SOD1: variants seen among roughly 807,000 people sequenced by gnomAD.
The protein encoded by SOD1 is superoxide dismutase 1.
Under a neutral mutation model 15.9 loss-of-function variants are expected in SOD1, and 8 were observed. That is an observed-to-expected ratio of 0.50 (90% confidence interval 0.30 to 0.91). The LOEUF is 0.91. Among genes scored for constraint, SOD1 ranks in the 40% least tolerant of loss-of-function variants. The pLI, the probability that SOD1 is intolerant of heterozygous loss-of-function variation, is 0.07. For missense variants in SOD1, 137 were observed against 194.5 expected (o/e 0.70, Z 1.76); for synonymous variants, 86 against 71.2 (o/e 1.21, Z -1.04).
intron 3 of SOD1, 90 bp downstream of exon 3, chr21:31,666,608 C>T (rs571455001): frequency 5.3e-5 from 53 of 991,684 alleles, no homozygotes; most frequent in South Asian, 4.2e-4. Context: ...AAGATAATTC[C>T]GTGTTTCCCC....
chr21:31,666,626 G>C (rs2049595695), intron 3 of SOD1, 108 bp downstream of exon 3: 2 of 895,390 alleles, frequency 2.2e-6, no homozygotes, highest in African/African-American at 1.7e-5. Flanking sequence ...CCCCACCTTT[G>C]CTTTTGAACT....
chr21:31,659,913 G>C, intron 1 of SOD1, 72 bp downstream of exon 1: 2 of 1,525,910 alleles, frequency 1.3e-6, no homozygotes, highest in South Asian at 2.2e-5. Flanking sequence ...CCTTTGCTAG[G>C]AGCGGGTCGC....
intron 1 of SOD1, among the ~76,000 whole-genome samples, chr21:31,662,498 C>G (rs538587007): frequency 3.3e-5 from 5 of 152,280 alleles, no homozygotes; most frequent in East Asian, 1.9e-4. Context: ...GTCCTGAGAT[C>G]TAGTTGTAAC....
At chr21:31,664,388 A>T (rs547262607) in intron 2 of SOD1, 8 of 222,840 alleles carry the variant, frequency 3.6e-5, no homozygotes, top group African/African-American at 1.8e-4. Flanking sequence ...AGCAGAGTAC[A>T]CACAAGAAAA....
At position 31,667,378 on chromosome 21, in the gene SOD1, A is replaced by G. The variant is rs746682134; in HGVS notation, c.357+3A>G. On this transcript the variant is annotated splice_donor_region_variant and intron_variant, in intron 4 of 4. Transcript: ENST00000270142. ...GCATCATTGGCCGCACACTGGTGGTAAGTTTTCATAAAAGGATATGCATAA... is the reference window on the plus strand; with the variant it reads ...GCATCATTGGCCGCACACTGGTGGTGAGTTTTCATAAAAGGATATGCATAA... 64 of 1,593,622 alleles carry G rather than the reference A, an allele frequency of 4.0e-5. No individual in the cohort carries two copies. The highest frequency in any genetic ancestry group is 4.7e-5 in the Non-Finnish European group (55 of 1,161,310).
intron 2 of SOD1, 126 bp downstream of exon 2, chr21:31,664,012 C>T: frequency 1.4e-6 from 1 of 729,136 alleles, no homozygotes; most frequent in Non-Finnish European, 2.4e-6. Flanking sequence ...TGCTCTGTCG[C>T]TCAGGCTGGA....
intron 1 of SOD1, among the ~76,000 whole-genome samples, chr21:31,661,262 A>G (rs572454656): frequency 8.7e-4 from 132 of 152,374 alleles, no homozygotes; most frequent in African/African-American, 3.0e-3. Context: ...ATAGGTCTCC[A>G]GATTTTCTGG....
intron 1 of SOD1, among the ~76,000 whole-genome samples, chr21:31,663,065 T>C (rs1364380626): frequency 2.8e-5 from 4 of 140,540 alleles, no homozygotes; most frequent in Non-Finnish European, 6.1e-5. Flanking sequence ...ACTCACTGAG[T>C]GGGGAGTGGA....
intron 2 of SOD1, 117 bp from the exon 3 acceptor site, chr21:31,666,332 A>C: frequency 1.3e-6 from 1 of 743,734 alleles, no homozygotes; most frequent in South Asian, 1.5e-5. Context: ...CTTATCCCAG[A>C]AGTCGTGATG....
At chr21:31,667,427 G>A in intron 4 of SOD1, 52 bp downstream of exon 4, 2 of 1,232,304 alleles carry the variant, frequency 1.6e-6, no homozygotes, top group Non-Finnish European at 2.4e-6. Flanking sequence ...ATACAGTCAT[G>A]TATCTTTTCA....
chr21:31,662,501 G>C (rs2049556511), intron 1 of SOD1, among the ~76,000 whole-genome samples: 1 of 152,188 alleles, frequency 6.6e-6, no homozygotes, highest in Admixed American at 6.5e-5. Flanking sequence ...CTGAGATCTA[G>C]TTGTAACTTC....
In SOD1 at chr21:31,668,659, A is replaced by G; in HGVS notation, c.*81A>G. Reference sequence around the variant, plus strand: ...GTAGAAATGTATCCTGATAAACATTAAACACTGTAATCTTAAAAGTGTAAT... The same window carrying G: ...GTAGAAATGTATCCTGATAAACATTGAACACTGTAATCTTAAAAGTGTAAT... On this transcript the variant is annotated 3_prime_UTR_variant, in exon 5 of 5. Coordinates refer to ENST00000270142, the MANE Select transcript of SOD1 (RefSeq NM_000454.5). 2 of 1,043,078 alleles carry G rather than the reference A, an allele frequency of 1.9e-6. No homozygotes were observed. Among genetic ancestry groups the G allele is most frequent in the Non-Finnish European group, 3.0e-6 (2 of 664,518 alleles). The allele number at this position is 1,043,078 out of a possible 1,614,324, so 64.6% of individuals were successfully genotyped here. A position where few individuals can be genotyped will look rare whatever the true frequency, so the allele number is the denominator to read the frequency against.
intron 4 of SOD1, 52 bp downstream of exon 4, chr21:31,667,427 G>T: frequency 8.1e-7 from 1 of 1,232,304 alleles, no homozygotes; most frequent in Non-Finnish European, 1.2e-6. Flanking sequence ...ATACAGTCAT[G>T]TATCTTTTCA....
rs1191634093 is a variant in SOD1 at position 31,659,708 on chromosome 21, G to T, written c.-62G>T. The T allele has an allele frequency of 1.5e-5, 24 of 1,561,100 alleles. No individual in the cohort carries two copies. The highest frequency in any genetic ancestry group is 2.0e-5 in the Non-Finnish European group (23 of 1,132,882). On this transcript the variant is annotated 5_prime_UTR_variant, in exon 1 of 5. Transcript: ENST00000270142. Reference sequence around the variant, plus strand: ...GTGCTGGTTTGCGTCGTAGTCTCCTGCAGCGTCTGGGGTTTCCGTTGCAGT... The same window carrying T: ...GTGCTGGTTTGCGTCGTAGTCTCCTTCAGCGTCTGGGGTTTCCGTTGCAGT...
At position 31,668,560 on chromosome 21, in the gene SOD1, A is replaced by C; in HGVS notation, c.447A>C (p.Val149=). 1 of 1,613,674 alleles carries C rather than the reference A, an allele frequency of 6.2e-7. No homozygotes were observed. Among genetic ancestry groups the C allele is most frequent in the Non-Finnish European group, 8.5e-7 (1 of 1,179,560 alleles). ...GNAGSRLACG[V]IGIAQ is the part of the protein sequence containing the mutation. ...CTGGAAGTCGTTTGGCTTGTGGTGTAATTGGGATCGCCCAATAAACATTCC... is the reference window on the plus strand; with the variant it reads ...CTGGAAGTCGTTTGGCTTGTGGTGTCATTGGGATCGCCCAATAAACATTCC... The change falls in exon 5 of 5, where the codon GTA becomes GTC. Residue 149 remains valine (V), a synonymous_variant. Transcript: ENST00000270142.
In SOD1 at chr21:31,668,027, A is replaced by AT. The variant is rs547824111; in HGVS notation, c.358-438dup. Among the ~76,000 whole-genome samples, 59 of 152,232 alleles carry AT rather than the reference A, an allele frequency of 3.9e-4. 1 individual carries two copies. In the South Asian group the frequency reaches 0.012, roughly 31 times the overall value. ...AAATACTGTTGCTTAAAGTATTAAG[A>AT]TTTTTTAGGATTATACCTTACTTAT... On this transcript the variant is annotated intron_variant, in intron 4 of 4. Transcript: ENST00000270142.
intron 1 of SOD1, 85 bp from the exon 2 acceptor site, chr21:31,663,705 C>A: frequency 1.8e-6 from 2 of 1,099,222 alleles, no homozygotes; most frequent in Non-Finnish European, 2.8e-6. Flanking sequence ...AGTCTGGCTG[C>A]TTTTTACTTC....
intron 2 of SOD1, among the ~76,000 whole-genome samples, chr21:31,665,181 T>C (rs928881925): frequency 2.6e-5 from 4 of 152,098 alleles, no homozygotes; most frequent in Non-Finnish European, 4.4e-5. Context: ...TTTTTTAAAG[T>C]ATTTTTAAAA....
intron 1 of SOD1, among the ~76,000 whole-genome samples, chr21:31,662,837 A>G (rs1424885224): frequency 6.6e-6 from 1 of 152,064 alleles, no homozygotes; most frequent in African/African-American, 2.4e-5. Flanking sequence ...ACACGGTGAA[A>G]CCCCGTCTCT....
Sources: gnomAD v4.1 joint callset for allele counts (sites outside exome capture counted in the v4.1 genomes callset) on GRCh38, gnomAD v4.1.1 for gene constraint, MANE v1.5 for transcripts, NCBI Gene and HGNC (gene_info 2026-07-23, HGNC 2026-07-21) for gene names.